Variants in ELOVL6 observed in about 807,000 individuals in gnomAD.
ELOVL6 encodes ELOVL fatty acid elongase 6, also known as very long chain fatty acid elongase 6.
Under a neutral mutation model 31.7 loss-of-function variants are expected in ELOVL6, and 8 were observed. The observed-to-expected ratio is 0.25, with a 90% CI of 0.15 to 0.45. The LOEUF (loss-of-function observed/expected upper bound fraction) is 0.45. Among genes scored for constraint, ELOVL6 ranks in the 20% least tolerant of loss-of-function variants. The pLI is 1.00. For synonymous variants in ELOVL6, 101 were observed against 117.7 expected (o/e 0.86, Z 0.92); for missense variants, 126 against 326.4 (o/e 0.39, Z 4.73).
At chr4:110,082,135 C>T (rs1413144819) in intron 2 of ELOVL6, among the ~76,000 whole-genome samples, 3 of 149,734 alleles carry the variant, frequency 2.0e-5, no homozygotes, top group African/African-American at 4.9e-5. Context: ...AACACTTTTA[C>T]ACTGTTGGTG....
At chr4:110,150,631 A>C (rs1758251357) in intron 1 of ELOVL6, among the ~76,000 whole-genome samples, 1 of 152,184 alleles carries the variant, frequency 6.6e-6, no homozygotes, top group Non-Finnish European at 1.5e-5. Flanking sequence ...AATAATTAAA[A>C]CATTATTCTT....
chr4:110,129,897 T>TTTTC (rs1757618889), intron 1 of ELOVL6, among the ~76,000 whole-genome samples: 1 of 94,750 alleles, frequency 1.1e-5, no homozygotes, highest in African/African-American at 3.2e-5. Flanking sequence ...TCCAATTTTT[T>TTTTC]TTTTTTTTTT....
chr4:110,134,010 C>T (rs911112926), intron 1 of ELOVL6, among the ~76,000 whole-genome samples: 4 of 152,190 alleles, frequency 2.6e-5, no homozygotes, highest in Non-Finnish European at 5.9e-5. Context: ...ATTCGTTCAA[C>T]AAATACTTAT....
chr4:110,055,988 G>A (rs1022222215), intron 3 of ELOVL6, among the ~76,000 whole-genome samples: 2 of 152,136 alleles, frequency 1.3e-5, no homozygotes, highest in Admixed American at 6.5e-5. Flanking sequence ...GGGGGAGTTA[G>A]TGTGGAATGA....
intron 1 of ELOVL6, among the ~76,000 whole-genome samples, chr4:110,117,416 C>T (rs1757197864): frequency 6.6e-6 from 1 of 152,142 alleles, no homozygotes; most frequent in Non-Finnish European, 1.5e-5. Flanking sequence ...ATTTCAAGCA[C>T]AGAGTAAATA....
At chr4:110,090,406 C>A (rs536235742) in intron 2 of ELOVL6, among the ~76,000 whole-genome samples, 1 of 152,164 alleles carries the variant, frequency 6.6e-6, no homozygotes, top group East Asian at 1.9e-4. Context: ...TCAACCATAA[C>A]CCTTAAAAGA....
At chr4:110,150,068 T>C (rs184577985) in intron 1 of ELOVL6, among the ~76,000 whole-genome samples, 1 of 152,168 alleles carries the variant, frequency 6.6e-6, no homozygotes, top group African/African-American at 2.4e-5. Context: ...ATGCATTTTA[T>C]TTTTAGTTTT....
intron 1 of ELOVL6, among the ~76,000 whole-genome samples, chr4:110,169,509 C>CT (rs1358501059): frequency 6.6e-6 from 1 of 152,082 alleles, no homozygotes; most frequent in Non-Finnish European, 1.5e-5. Context: ...TCCCAAAGTG[C>CT]TGGGATTACA....
chr4:110,176,647 C>T (rs944335166), intron 1 of ELOVL6, among the ~76,000 whole-genome samples: 6 of 152,166 alleles, frequency 3.9e-5, no homozygotes, highest in African/African-American at 1.2e-4. Flanking sequence ...AAACTTTACC[C>T]GATATTGTGT....
chr4:110,084,115 TA>T (rs1560814074), intron 2 of ELOVL6, among the ~76,000 whole-genome samples: 46 of 98,120 alleles, frequency 4.7e-4, no homozygotes, highest in East Asian at 1.5e-3. Context: ...ATATATGATA[TA>T]TATAACATAT....
chr4:110,176,861 GAGT>G (rs1157517380), intron 1 of ELOVL6, among the ~76,000 whole-genome samples: 1 of 152,116 alleles, frequency 6.6e-6, no homozygotes, highest in Non-Finnish European at 1.5e-5. Flanking sequence ...TCAGCCTCCC[GAGT>G]AGCTGGGATT....
At chr4:110,163,975 T>C (rs1456769031) in intron 1 of ELOVL6, among the ~76,000 whole-genome samples, 1 of 152,212 alleles carries the variant, frequency 6.6e-6, no homozygotes, top group Admixed American at 6.5e-5. Flanking sequence ...CATTTCTGAA[T>C]GTGTAATGAG....
intron 1 of ELOVL6, among the ~76,000 whole-genome samples, chr4:110,107,691 G>C (rs1397528670): frequency 2.0e-5 from 3 of 152,112 alleles, no homozygotes; most frequent in African/African-American, 7.2e-5. Context: ...CACTGTTTCT[G>C]TTTATGCACA....
chr4:110,150,320 T>C (rs571843813), intron 1 of ELOVL6, among the ~76,000 whole-genome samples: 50 of 152,334 alleles, frequency 3.3e-4, no homozygotes, highest in African/African-American at 1.2e-3. Context: ...ACTGTCAGAC[T>C]TAAACAGACA....
intron 2 of ELOVL6, among the ~76,000 whole-genome samples, chr4:110,078,358 G>A (rs1195737239): frequency 1.3e-5 from 2 of 152,184 alleles, no homozygotes; most frequent in Admixed American, 6.5e-5. Flanking sequence ...GGTTATCCAC[G>A]AAGGGAAGCC....
chr4:110,056,122 T>TGGC lies in ELOVL6; in HGVS notation c.373+3480_373+3481insGCC, dbSNP rs1553953493. On this transcript the variant is annotated intron_variant, in intron 3 of 3. Transcript: ENST00000302274. ...AACAAGAGTTTGAGTTTGTGGGAGC[T>TGGC]GGGGGGGGGGATACAGTTTCAGTAC... Among the ~76,000 whole-genome samples, 377 of 123,266 alleles carry TGGC rather than the reference T, an allele frequency of 3.1e-3. 7 individuals carry two copies. The highest frequency in any genetic ancestry group is 0.011 in the African/African-American group (348 of 31,304). 80.9% of individuals were successfully genotyped at this position (123,266 alleles called of 152,430 possible).
intron 1 of ELOVL6, among the ~76,000 whole-genome samples, chr4:110,164,031 A>C (rs1251443597): frequency 6.6e-6 from 1 of 152,214 alleles, no homozygotes; most frequent in East Asian, 1.9e-4. Flanking sequence ...GTTGAAAGCA[A>C]AATAATACTA....
At chr4:110,159,468 CT>C (rs915911728) in intron 1 of ELOVL6, among the ~76,000 whole-genome samples, 1,648 of 148,754 alleles carry the variant, frequency 0.011, 29 homozygotes, top group Middle Eastern at 0.052. Context: ...CACAGTTTTT[CT>C]TTTTTTTTTA....
At chr4:110,091,774 A>G (rs1206156615) in intron 2 of ELOVL6, among the ~76,000 whole-genome samples, 1 of 152,192 alleles carries the variant, frequency 6.6e-6, no homozygotes, top group Non-Finnish European at 1.5e-5. Flanking sequence ...CCCTCTGTCT[A>G]CTATTGTACC....
Sources: gnomAD v4.1 joint callset for allele counts (sites outside exome capture counted in the v4.1 genomes callset) on GRCh38, gnomAD v4.1.1 for gene constraint, MANE v1.5 for transcripts, NCBI Gene and HGNC (gene_info 2026-07-23, HGNC 2026-07-21) for gene names.